Variants in KCNJ3 observed in about 807,000 individuals in gnomAD.
The protein encoded by KCNJ3 is G protein-activated inward rectifier potassium channel 1.
A neutral mutation model predicts 39.2 loss-of-function variants in KCNJ3; 4 were observed. That is an observed-to-expected ratio of 0.10 (90% CI 0.05 to 0.23). KCNJ3 has a LOEUF of 0.23. KCNJ3 is among the 10% of genes least tolerant of loss of function. KCNJ3 has a pLI of 1.00. For missense variants in KCNJ3, 276 were observed against 634.9 expected, an observed-to-expected ratio of 0.43 and a Z score of 6.08; for synonymous variants, 230 against 237.4, an observed-to-expected ratio of 0.97 and a Z score of 0.29.
intron 2 of KCNJ3, among the ~76,000 whole-genome samples, chr2:154,788,529 T>G (rs1398394424): frequency 6.6e-6 from 1 of 152,106 alleles, no homozygotes; most frequent in Non-Finnish European, 1.5e-5. Flanking sequence ...TGTCTTATCA[T>G]TTTTTCTCAT....
intron 2 of KCNJ3, among the ~76,000 whole-genome samples, chr2:154,799,674 G>A (rs370359990): frequency 1.9e-4 from 29 of 152,066 alleles, no homozygotes; most frequent in African/African-American, 7.0e-4. Context: ...CCATATTTCA[G>A]GTTCTTCTTT....
intron 2 of KCNJ3, among the ~76,000 whole-genome samples, chr2:154,785,016 A>T (rs910148198): frequency 3.9e-5 from 6 of 152,198 alleles, no homozygotes; most frequent in African/African-American, 1.4e-4. Context: ...TGAGGAGAAG[A>T]GGGCTTTACT....
chr2:154,739,435 G>C (rs1405833738), intron 2 of KCNJ3, among the ~76,000 whole-genome samples: 1 of 151,986 alleles, frequency 6.6e-6, no homozygotes, highest in African/African-American at 2.4e-5. Context: ...TGAGTGATGA[G>C]TTGGTGCTTT....
chr2:154,825,952 T>C (rs1687264616), intron 2 of KCNJ3, among the ~76,000 whole-genome samples: 1 of 151,714 alleles, frequency 6.6e-6, no homozygotes, highest in South Asian at 2.1e-4. Flanking sequence ...CCACCCAGGA[T>C]ACAGGGCTGT....
intron 2 of KCNJ3, among the ~76,000 whole-genome samples, chr2:154,721,741 T>C (rs74682914): frequency 0.036 from 5,422 of 152,220 alleles, 157 homozygotes; most frequent in Non-Finnish European, 0.048. Flanking sequence ...ATTATAAAGA[T>C]AACATGCACC....
At chr2:154,766,244 C>A (rs1450979394) in intron 2 of KCNJ3, among the ~76,000 whole-genome samples, 3 of 152,154 alleles carry the variant, frequency 2.0e-5, no homozygotes, top group African/African-American at 4.8e-5. Context: ...CCAGTTTAAC[C>A]ATTTTCATTC....
chr2:154,836,587 A>AT (rs1179447694), intron 2 of KCNJ3, among the ~76,000 whole-genome samples: 1 of 140,820 alleles, frequency 7.1e-6, no homozygotes, highest in Non-Finnish European at 1.5e-5. Flanking sequence ...GCAATCATTT[A>AT]TTTTTTCTTT....
chr2:154,790,964 T>A (rs1686618579), intron 2 of KCNJ3, among the ~76,000 whole-genome samples: 1 of 152,096 alleles, frequency 6.6e-6, no homozygotes, highest in East Asian at 1.9e-4. Context: ...TCAACAATCT[T>A]AGTAAAGTAA....
At chr2:154,783,483 C>G (rs1686475184) in intron 2 of KCNJ3, among the ~76,000 whole-genome samples, 2 of 152,114 alleles carry the variant, frequency 1.3e-5, no homozygotes, top group Admixed American at 1.3e-4. Flanking sequence ...ACTACTAACA[C>G]CCTGGATCTG....
At chr2:154,710,090 T>C (rs1013025402) in intron 2 of KCNJ3, among the ~76,000 whole-genome samples, 4 of 152,204 alleles carry the variant, frequency 2.6e-5, no homozygotes, top group Non-Finnish European at 4.4e-5. Context: ...TGATGTTCTA[T>C]TATAATTACA....
At chr2:154,762,287 A>G (rs1686059639) in intron 2 of KCNJ3, among the ~76,000 whole-genome samples, 1 of 152,234 alleles carries the variant, frequency 6.6e-6, no homozygotes, top group African/African-American at 2.4e-5. Flanking sequence ...ACGTAATAAT[A>G]AAAAAGTGCC....
At chr2:154,739,963 C>G (rs148831409) in intron 2 of KCNJ3, among the ~76,000 whole-genome samples, 2 of 151,808 alleles carry the variant, frequency 1.3e-5, no homozygotes, top group African/African-American at 2.4e-5. Context: ...TAAATAGAAA[C>G]GAGAAGCAGT....
At chr2:154,772,563 A>C (rs1686260985) in intron 2 of KCNJ3, among the ~76,000 whole-genome samples, 1 of 152,168 alleles carries the variant, frequency 6.6e-6, no homozygotes, top group Non-Finnish European at 1.5e-5. Flanking sequence ...AGGACTTTTG[A>C]AAGTACAATG....
intron 2 of KCNJ3, among the ~76,000 whole-genome samples, chr2:154,761,166 T>C (rs534999922): frequency 6.6e-6 from 1 of 151,886 alleles, no homozygotes; most frequent in South Asian, 2.1e-4. Flanking sequence ...ATCAGTATTA[T>C]ATGAGGTATG....
intron 2 of KCNJ3, among the ~76,000 whole-genome samples, chr2:154,711,551 G>A (rs188259252): frequency 1.2e-3 from 177 of 152,168 alleles, no homozygotes; most frequent in African/African-American, 3.6e-3. Flanking sequence ...TGTTAGGAGT[G>A]AATGCGTTTT....
intron 2 of KCNJ3, among the ~76,000 whole-genome samples, chr2:154,847,446 G>A (rs1213437232): frequency 6.6e-6 from 1 of 152,150 alleles, no homozygotes; most frequent in Non-Finnish European, 1.5e-5. Flanking sequence ...GGGTGGACTA[G>A]GAAGTTACTT....
At chr2:154,754,991 C>G (rs564722926) in intron 2 of KCNJ3, among the ~76,000 whole-genome samples, 2 of 152,074 alleles carry the variant, frequency 1.3e-5, no homozygotes, top group South Asian at 2.1e-4. Context: ...AGAAATTTGT[C>G]TATTTATTCT....
intron 2 of KCNJ3, among the ~76,000 whole-genome samples, chr2:154,748,703 G>A (rs546259697): frequency 2.0e-5 from 3 of 152,174 alleles, no homozygotes; most frequent in South Asian, 2.1e-4. Flanking sequence ...TGAAAATAGA[G>A]TAAGTAATGA....
chr2:154,787,775 C>G (rs1686558462), intron 2 of KCNJ3, among the ~76,000 whole-genome samples: 1 of 152,078 alleles, frequency 6.6e-6, no homozygotes, highest in African/African-American at 2.4e-5. Flanking sequence ...TTCCCTCTAA[C>G]TGGAATGCAA....
Sources: allele counts gnomAD v4.1 joint callset (sites outside exome capture counted in the v4.1 genomes callset), GRCh38; gene constraint gnomAD v4.1.1; transcripts MANE v1.5; gene names NCBI Gene and HGNC (gene_info 2026-07-23, HGNC 2026-07-21).